The following LINGO2 variants were observed in gnomAD, a reference collection of about 807,000 sequenced individuals.
The protein encoded by LINGO2 is leucine-rich repeat and immunoglobulin-like domain-containing nogo receptor-interacting protein 2.
In LINGO2, 14 loss-of-function variants were observed where a neutral mutation model predicts 30.6. That is an observed-to-expected ratio of 0.46 (90% CI 0.30 to 0.72). The LOEUF (loss-of-function observed/expected upper bound fraction) is 0.72, where lower values mean the gene tolerates loss of function less well. Ranked by LOEUF, LINGO2 falls within the 30% of genes least tolerant of loss-of-function variation. The pLI is 0.07. For synonymous variants in LINGO2, 317 were observed against 288.5 expected (o/e 1.10, Z -1.00); for missense variants, 729 against 751.7 (o/e 0.97, Z 0.35).
the LINGO2 span, among the ~76,000 whole-genome samples, chr9:29,123,559 G>A: frequency 1.3e-5 from 2 of 151,716 alleles, no homozygotes; most frequent in East Asian, 1.9e-4. Context: ...AGATAGTGAA[G>A]AGATAAACAA....
the LINGO2 span, among the ~76,000 whole-genome samples, chr9:28,680,654 C>T: frequency 6.6e-6 from 1 of 151,928 alleles, no homozygotes; most frequent in Non-Finnish European, 1.5e-5. Flanking sequence ...CAGGTGTTAT[C>T]TTTTTATTTT....
rs140780516 is a variant in LINGO2 at position 28,530,007 on chromosome 9, G to A, written c.-364-53982C>T. 2.0e-4 allele frequency among the ~76,000 whole-genome samples: 30 copies of A among 152,070 alleles called. 1 individual carries two copies. The East Asian group carries it at 5.6e-3, about 28-fold the overall frequency. On this transcript the variant is annotated intron_variant, in intron 1 of 5. Transcript: ENST00000379992. The stretch of plus-strand genomic sequence containing the variant: ...TGACACAGTATTTTTCAGCTTCATC[G>A]TGTTATGATTAAGGTTGGAAGTAGA...
chr9:28,083,680 T>G (rs1825833698), intron 4 of LINGO2, among the ~76,000 whole-genome samples: 1 of 152,042 alleles, frequency 6.6e-6, no homozygotes, highest in Admixed American at 6.6e-5. Context: ...CAAATTGGAG[T>G]GTCTTTCTTT....
intron 4 of LINGO2, among the ~76,000 whole-genome samples, chr9:28,251,846 A>G (rs955997694): frequency 1.3e-4 from 20 of 152,190 alleles, no homozygotes; most frequent in African/African-American, 4.8e-4. Context: ...AAGAAGACAT[A>G]GCAATCCTAC....
At chr9:28,496,254 G>A (rs1210289634) in intron 1 of LINGO2, among the ~76,000 whole-genome samples, 5 of 152,110 alleles carry the variant, frequency 3.3e-5, no homozygotes, top group Non-Finnish European at 5.9e-5. Flanking sequence ...AATGTTGACA[G>A]TGGGGTGTTA....
At chr9:28,952,436 T>C in the LINGO2 span, among the ~76,000 whole-genome samples, 12 of 152,196 alleles carry the variant, frequency 7.9e-5, no homozygotes, top group Non-Finnish European at 1.3e-4. Context: ...TCTCTATACA[T>C]ACTCTCTTTG....
intron 1 of LINGO2, among the ~76,000 whole-genome samples, chr9:28,568,448 C>T (rs1405702097): frequency 3.3e-5 from 5 of 151,992 alleles, no homozygotes; most frequent in Non-Finnish European, 7.4e-5. Flanking sequence ...TATATTATAA[C>T]AATCCCACAC....
intron 5 of LINGO2, among the ~76,000 whole-genome samples, chr9:27,965,559 T>C (rs1255903989): frequency 6.6e-6 from 1 of 152,096 alleles, no homozygotes; most frequent in African/African-American, 2.4e-5. Flanking sequence ...TTCCAGCGAC[T>C]AGTGAACAAT....
chr9:28,044,194 A>T (rs1824315216), intron 4 of LINGO2, among the ~76,000 whole-genome samples: 1 of 152,086 alleles, frequency 6.6e-6, no homozygotes, highest in African/African-American at 2.4e-5. Flanking sequence ...TTATTTTTGA[A>T]CCTGAATGTA....
the LINGO2 span, among the ~76,000 whole-genome samples, chr9:29,189,722 G>A: frequency 5.3e-5 from 8 of 152,110 alleles, no homozygotes; most frequent in Non-Finnish European, 1.2e-4. Flanking sequence ...CCTGGGCACG[G>A]TTGAGCACTG....
intron 2 of LINGO2, among the ~76,000 whole-genome samples, chr9:28,404,818 A>AGTGACT (rs1822426377): frequency 2.6e-5 from 4 of 152,076 alleles, no homozygotes; most frequent in Non-Finnish European, 2.9e-5. Context: ...AGTGAGCTGC[A>AGTGACT]GTGACTTTTA....
intron 4 of LINGO2, among the ~76,000 whole-genome samples, chr9:28,141,644 C>T (rs566134274): frequency 2.6e-5 from 4 of 152,184 alleles, no homozygotes; most frequent in East Asian, 1.9e-4. Context: ...TGGCTGGGTG[C>T]GGTGGCTCAT....
chr9:28,924,788 C>T, the LINGO2 span, among the ~76,000 whole-genome samples: 5 of 152,262 alleles, frequency 3.3e-5, no homozygotes, highest in Non-Finnish European at 7.4e-5. Context: ...TGTCCGATGT[C>T]AGGTGCCTAT....
the LINGO2 span, among the ~76,000 whole-genome samples, chr9:29,042,145 C>T: frequency 6.6e-6 from 1 of 151,898 alleles, no homozygotes; most frequent in Non-Finnish European, 1.5e-5. Context: ...AATGTGACAA[C>T]ACCAAATACT....
chr9:28,566,934 G>T (rs1823414773), intron 1 of LINGO2, among the ~76,000 whole-genome samples: 1 of 152,138 alleles, frequency 6.6e-6, no homozygotes, highest in African/African-American at 2.4e-5. Context: ...CTACAGTAGT[G>T]CAAAACCAAT....
the LINGO2 span, among the ~76,000 whole-genome samples, chr9:29,111,552 C>T: frequency 6.6e-6 from 1 of 151,760 alleles, no homozygotes; most frequent in African/African-American, 2.4e-5. Flanking sequence ...TTTATACTTG[C>T]TGCTAAACTA....
At chr9:27,998,725 G>A (rs113777305) in intron 5 of LINGO2, among the ~76,000 whole-genome samples, 1 of 152,310 alleles carries the variant, frequency 6.6e-6, no homozygotes, top group Non-Finnish European at 1.5e-5. Context: ...AGGTTGCAGT[G>A]AGCTGAGATC....
chr9:28,293,140 C>T (rs1390620287), intron 4 of LINGO2, among the ~76,000 whole-genome samples: 1 of 152,040 alleles, frequency 6.6e-6, no homozygotes, highest in Admixed American at 6.6e-5. Flanking sequence ...CCCTGTCACC[C>T]AGGCTGGAAT....
At chr9:28,700,290 C>T in the LINGO2 span, among the ~76,000 whole-genome samples, 1 of 152,014 alleles carries the variant, frequency 6.6e-6, no homozygotes, top group Non-Finnish European at 1.5e-5. Context: ...ACCACCTATT[C>T]ATTCATCCAA....
Sources: gnomAD v4.1 joint callset for allele counts (sites outside exome capture counted in the v4.1 genomes callset) on GRCh38, gnomAD v4.1.1 for gene constraint, MANE v1.5 for transcripts, NCBI Gene and HGNC (gene_info 2026-07-23, HGNC 2026-07-21) for gene names.